Variants in TBC1D14 observed in about 807,000 individuals in gnomAD.
TBC1D14 encodes TBC1 domain family, member 14.
A neutral mutation model predicts 79.0 loss-of-function variants in TBC1D14; 26 were observed. The observed-to-expected ratio is 0.33, with a 90% CI of 0.24 to 0.46. TBC1D14 has a LOEUF of 0.46. Among genes scored for constraint, TBC1D14 ranks in the 20% least tolerant of loss-of-function variants. The probability of loss-of-function intolerance (pLI) is 1.00; values close to 1 mark genes in which losing one functional copy is unlikely to be tolerated. For synonymous variants in TBC1D14, 394 were observed against 349.9 expected, an observed-to-expected ratio of 1.13 and a Z score of -1.40; for missense variants, 769 against 887.6, an observed-to-expected ratio of 0.87 and a Z score of 1.70.
At chr4:6,939,085 A>T (rs1712630425) in intron 2 of TBC1D14, among the ~76,000 whole-genome samples, 1 of 152,114 alleles carries the variant, frequency 6.6e-6, no homozygotes, top group Non-Finnish European at 1.5e-5. Flanking sequence ...TCAGCAGTGG[A>T]CGGCATCCTG....
intron 2 of TBC1D14, among the ~76,000 whole-genome samples, chr4:6,924,803 C>T (rs1425199848): frequency 6.6e-6 from 1 of 152,188 alleles, no homozygotes; most frequent in Non-Finnish European, 1.5e-5. Context: ...CAACAAGTGC[C>T]TATTTCCTAG....
Position 6,923,656 on chromosome 4 carries a change from G to A in TBC1D14, c.267G>A (p.Lys89=), listed in dbSNP as rs1724042081. Residue 89 remains lysine, a synonymous_variant, in exon 2 of 14, where the codon AAG becomes AAA. Coordinates refer to ENST00000409757, the MANE Select transcript of TBC1D14 (RefSeq NM_020773.3). ...GCAGCGCGGTCCACGTGAGGAGGAA[G>A]CAGTCCGACTCCGACCTCATCCCCG... ...VPCSAVHVRR[K]QSDSDLIPER... 1 of 1,613,888 alleles carries A rather than the reference G, an allele frequency of 6.2e-7. No individual in the cohort carries two copies. Among genetic ancestry groups the A allele is most frequent in the Non-Finnish European group, 8.5e-7 (1 of 1,180,032 alleles).
chr4:7,030,332 G>T lies in TBC1D14; in HGVS notation c.2022G>T (p.Leu674=). 1 of 1,613,924 alleles carries T rather than the reference G, an allele frequency of 6.2e-7. No individual in the cohort carries two copies. Among genetic ancestry groups the T allele is most frequent in the South Asian group, 1.1e-5 (1 of 91,048 alleles). The part of the protein sequence containing the change: ...QSRNKKWAQV[L]TALQKDSREM... ...GTCTTCCCTGTGACTTCTAGGTACT[G>T]ACTGCATTGCAGAAAGACAGCCGGG... Residue 674 remains leucine, a synonymous_variant, in exon 14 of 14, where the codon CTG becomes CTT. Transcript: ENST00000409757.
chr4:6,953,819 C>T (rs939045679), intron 2 of TBC1D14, among the ~76,000 whole-genome samples: 2 of 152,178 alleles, frequency 1.3e-5, no homozygotes, highest in African/African-American at 4.8e-5. Flanking sequence ...GCAGACCTGG[C>T]CGCTGCTTCA....
Position 7,007,509 on chromosome 4 carries a change from A to T in TBC1D14, c.1446+783A>T, listed in dbSNP as rs1166777549. 3 of 1,287,284 alleles carry T rather than the reference A, an allele frequency of 2.3e-6. No individual in the cohort carries two copies. In the Admixed American group the frequency reaches 6.9e-5, roughly 30 times the overall value. 79.7% of individuals were successfully genotyped at this position (1,287,284 alleles called of 1,614,324 possible). A position where few individuals can be genotyped will look rare whatever the true frequency, so the allele number is the denominator to read the frequency against. On this transcript the variant is annotated intron_variant, in intron 9 of 13. Transcript: ENST00000409757. ...TTGCACCTGTCCCTTGTCTGTTCTC[A>T]CTGCCTTTACTCAGGTTCTCATCTT... is the stretch of plus-strand genomic sequence containing the variant.
chr4:6,972,422 TA>T (rs1365445963), intron 3 of TBC1D14, among the ~76,000 whole-genome samples: 1 of 152,164 alleles, frequency 6.6e-6, no homozygotes, highest in Non-Finnish European at 1.5e-5. Flanking sequence ...TCAGCAGCAT[TA>T]CCCCGGCTCC....
At chr4:6,976,115 T>C (rs1241178669) in intron 3 of TBC1D14, among the ~76,000 whole-genome samples, 3 of 151,858 alleles carry the variant, frequency 2.0e-5, no homozygotes, top group African/African-American at 2.4e-5. Context: ...ACAGAAATTA[T>C]CCAGTCTGCA....
Position 6,991,590 on chromosome 4 carries a change from C to T in TBC1D14, c.844-2594C>T, listed in dbSNP as rs528867378. Among the ~76,000 whole-genome samples the T allele has an allele frequency of 1.0e-3, 159 of 152,318 alleles. 1 individual carries two copies. Among genetic ancestry groups the T allele is most frequent in the African/African-American group, 3.7e-3 (155 of 41,572 alleles). On this transcript the variant is annotated intron_variant, in intron 3 of 13. Coordinates refer to ENST00000409757, the MANE Select transcript of TBC1D14 (RefSeq NM_020773.3). ...TTTTTTTTCTTGAACCTTCGTTGGG[C>T]CATCTGACCACAGCCACAGCTTTGC...
chr4:6,932,561 G>A (rs1358140621), intron 2 of TBC1D14, among the ~76,000 whole-genome samples: 2 of 152,182 alleles, frequency 1.3e-5, no homozygotes, highest in Admixed American at 1.3e-4. Context: ...GTATGGGCAT[G>A]TAGGCCACTG....
At chr4:6,931,146 G>A (rs1425219679) in intron 2 of TBC1D14, among the ~76,000 whole-genome samples, 1 of 152,054 alleles carries the variant, frequency 6.6e-6, no homozygotes, top group African/African-American at 2.4e-5. Flanking sequence ...TGATCTGCCC[G>A]CCTCAGCCTC....
intron 2 of TBC1D14, among the ~76,000 whole-genome samples, chr4:6,924,771 T>C (rs1175243891): frequency 2.0e-5 from 3 of 152,178 alleles, no homozygotes; most frequent in Non-Finnish European, 2.9e-5. Flanking sequence ...CTGCCTCTCG[T>C]TTGTGCTCTC....
At chr4:6,989,821 AG>A (rs1171307341) in intron 3 of TBC1D14, among the ~76,000 whole-genome samples, 1 of 151,948 alleles carries the variant, frequency 6.6e-6, no homozygotes, top group Non-Finnish European at 1.5e-5. Flanking sequence ...CTTCAACCTT[AG>A]CTGGGTCATC....
Position 6,914,086 on chromosome 4 carries a change from A to G in TBC1D14, c.-18+4135A>G, listed in dbSNP as rs183695282. ...GCCTGGGAGGTGGAGGTTGCAGTGA[A>G]CCAAGATCATACATCTGTACTGCAG... On this transcript the variant is annotated intron_variant, in intron 1 of 13. Transcript: ENST00000409757. Among the ~76,000 whole-genome samples the G allele has an allele frequency of 5.4e-3, 816 of 151,398 alleles. 7 individuals are homozygous for G. Among genetic ancestry groups the G allele is most frequent in the Non-Finnish European group, 6.1e-3 (416 of 67,886 alleles).
intron 1 of TBC1D14, among the ~76,000 whole-genome samples, chr4:6,913,961 A>G (rs1297423272): frequency 6.6e-6 from 1 of 152,014 alleles, no homozygotes; most frequent in Non-Finnish European, 1.5e-5. Flanking sequence ...AAACCCTACC[A>G]AAACAACAAC....
At position 7,031,880 on chromosome 4, in the gene TBC1D14, TA is replaced by T. The variant is rs1228199958; in HGVS notation, c.*1489del. 2.0e-5 allele frequency: 3 copies of T among 152,326 alleles called. No homozygotes were observed. Among genetic ancestry groups the T allele is most frequent in the African/African-American group, 7.2e-5 (3 of 41,464 alleles). 9.4% of individuals were successfully genotyped at this position (152,326 alleles called of 1,614,324 possible). On this transcript the variant is annotated 3_prime_UTR_variant, in exon 14 of 14. Coordinates refer to ENST00000409757, the MANE Select transcript of TBC1D14 (RefSeq NM_020773.3). ...ATAGCTTGTAACAGGAGCCTTGGGC[TA>T]GGGGCTGGGGAAGGAAAGCCGAGCT...
chr4:7,005,483 C>A (rs888682717), intron 8 of TBC1D14, among the ~76,000 whole-genome samples: 2 of 152,108 alleles, frequency 1.3e-5, no homozygotes, highest in African/African-American at 4.8e-5. Context: ...TGCAGGGAGC[C>A]AAGACCGTGC....
At chr4:7,030,155 A>G (rs1342465109) in intron 13 of TBC1D14, among the ~76,000 whole-genome samples, 172 bp from the exon 14 acceptor site, 2 of 152,168 alleles carry the variant, frequency 1.3e-5, no homozygotes, top group African/African-American at 2.4e-5. Flanking sequence ...GCAGGTGTCC[A>G]TGTTGGAAAG....
intron 1 of TBC1D14, among the ~76,000 whole-genome samples, chr4:6,917,397 A>G (rs1476071026): frequency 1.3e-5 from 2 of 152,216 alleles, no homozygotes. Flanking sequence ...GGTGGGGTGT[A>G]GCCAAAAGGA....
chr4:7,027,540 C>G (rs1722532224), intron 13 of TBC1D14, among the ~76,000 whole-genome samples: 1 of 147,818 alleles, frequency 6.8e-6, no homozygotes, highest in Admixed American at 6.7e-5. Flanking sequence ...ACATCACATA[C>G]ACAATCACCA....
Sources: allele counts gnomAD v4.1 joint callset (sites outside exome capture counted in the v4.1 genomes callset), GRCh38; gene constraint gnomAD v4.1.1; transcripts MANE v1.5; gene names NCBI Gene and HGNC (gene_info 2026-07-23, HGNC 2026-07-21).